The following XPOT variants were observed in gnomAD, a reference collection of about 807,000 sequenced individuals.
XPOT encodes exportin for tRNA, also known as exportin-T.
Under a neutral mutation model 128.2 loss-of-function variants are expected in XPOT, and 34 were observed. That is an observed-to-expected ratio of 0.27 (90% CI 0.20 to 0.35). XPOT has a LOEUF of 0.35. Ranked by LOEUF, XPOT falls within the 10% of genes least tolerant of loss-of-function variation. The probability of loss-of-function intolerance (pLI) is 1.00; values close to 1 mark genes in which losing one functional copy is unlikely to be tolerated. For synonymous variants in XPOT, 348 were observed against 394.3 expected (o/e 0.88, Z 1.39); for missense variants, 838 against 1,125.3 (o/e 0.74, Z 3.65).
At chr12:64,412,827 A>G (rs1424551058) in intron 2 of XPOT, among the ~76,000 whole-genome samples, 2 of 152,182 alleles carry the variant, frequency 1.3e-5, no homozygotes, top group African/African-American at 2.4e-5. Flanking sequence ...GGAGTAGCCT[A>G]CAGAACTTAG....
At chr12:64,439,150 T>C in intron 22 of XPOT, 94 bp from the exon 23 acceptor site, 1 of 1,196,118 alleles carries the variant, frequency 8.4e-7, no homozygotes, top group Non-Finnish European at 1.2e-6. Flanking sequence ...CACAATACTA[T>C]ATTGCCTTTA....
At chr12:64,417,812 C>T (rs568600521) in intron 4 of XPOT, among the ~76,000 whole-genome samples, 84 of 152,310 alleles carry the variant, frequency 5.5e-4, no homozygotes, top group African/African-American at 2.0e-3. Flanking sequence ...GTGTAGCCAT[C>T]ATTTGTTTCA....
At chr12:64,405,270 TC>T (rs1400723975) in intron 1 of XPOT, 2 of 152,344 alleles carry the variant, frequency 1.3e-5, no homozygotes, top group East Asian at 3.9e-4. Flanking sequence ...CTCCATTTCT[TC>T]TCAAACCTTC....
intron 23 of XPOT, among the ~76,000 whole-genome samples, chr12:64,441,222 C>G (rs2040322101): frequency 6.6e-6 from 1 of 152,124 alleles, no homozygotes; most frequent in South Asian, 2.1e-4. Flanking sequence ...TGTTGAAGAT[C>G]AGTTGACTGT....
chr12:64,431,143 C>A (rs2040235937), intron 17 of XPOT, among the ~76,000 whole-genome samples: 1 of 152,098 alleles, frequency 6.6e-6, no homozygotes, highest in Non-Finnish European at 1.5e-5. Context: ...CGGTTTTGAC[C>A]ATGTTGTCCA....
chr12:64,437,448 G>A (rs1436646332), intron 22 of XPOT, among the ~76,000 whole-genome samples: 1 of 152,174 alleles, frequency 6.6e-6, no homozygotes, highest in Non-Finnish European at 1.5e-5. Flanking sequence ...TAGGGAGCTG[G>A]CATTCTGGGC....
intron 9 of XPOT, among the ~76,000 whole-genome samples, chr12:64,422,476 T>G (rs1252944341): frequency 6.6e-6 from 1 of 152,206 alleles, no homozygotes; most frequent in Admixed American, 6.5e-5. Flanking sequence ...GTTATAGGTG[T>G]CTTTGTCTAC....
At chr12:64,446,698 T>C (rs2040369935) in intron 24 of XPOT, among the ~76,000 whole-genome samples, 1 of 152,120 alleles carries the variant, frequency 6.6e-6, no homozygotes, top group African/African-American at 2.4e-5. Flanking sequence ...TTACTGTTCT[T>C]GTAGTTCTTC....
chr12:64,418,315 G>T (rs933729957), intron 5 of XPOT, among the ~76,000 whole-genome samples, 200 bp downstream of exon 5: 1 of 152,114 alleles, frequency 6.6e-6, no homozygotes, highest in Admixed American at 6.5e-5. Context: ...GACTGAAATG[G>T]TCATAGTTTC....
chr12:64,408,754 ACC>A (rs1466508521), intron 1 of XPOT, among the ~76,000 whole-genome samples: 1 of 151,976 alleles, frequency 6.6e-6, no homozygotes, highest in Non-Finnish European at 1.5e-5. Flanking sequence ...GCTCACTACA[ACC>A]TCTGCCTCCT....
intron 11 of XPOT, among the ~76,000 whole-genome samples, chr12:64,424,221 C>T (rs1466512858): frequency 1.3e-5 from 2 of 152,150 alleles, no homozygotes; most frequent in African/African-American, 4.8e-5. Flanking sequence ...ATTCAAAGCC[C>T]ATTCTAGTGC....
In XPOT at chr12:64,420,509, C is replaced by A. The variant is rs2136019152; in HGVS notation, c.831C>A (p.Phe277Leu). The change falls in exon 8 of 25, where the codon TTC becomes TTA. Residue 277 changes from phenylalanine to leucine, a missense_variant. By Grantham distance (22) the Phe-to-Leu change is conservative. Coordinates refer to ENST00000332707, the MANE Select transcript of XPOT (RefSeq NM_007235.6). ...LCQVLQSAGF[F>L]SIDQEEDVDF... ...AAGTATTACAGTCTGCTGGGTTTTT[C>A]AGCATTGACCAGGTTGGTAAATTTA... is the stretch of plus-strand genomic sequence containing the variant. The A allele has an allele frequency of 6.2e-7, 1 of 1,608,566 alleles. No homozygotes were observed. The highest frequency in any genetic ancestry group is 2.2e-5 in the East Asian group (1 of 44,796).
intron 1 of XPOT, 42 bp from the exon 2 acceptor site, chr12:64,409,920 T>C: frequency 1.3e-6 from 1 of 778,364 alleles, no homozygotes; most frequent in Middle Eastern, 2.4e-4. Flanking sequence ...ATCTATTTGT[T>C]TATCAAGTAA....
intron 9 of XPOT, among the ~76,000 whole-genome samples, chr12:64,421,745 A>G (rs191178861): frequency 1.3e-5 from 2 of 152,128 alleles, no homozygotes; most frequent in East Asian, 3.9e-4. Flanking sequence ...TTGTGAATAC[A>G]GTTGAAATTT....
chr12:64,434,543 T>C lies in XPOT; in HGVS notation c.2489T>C (p.Ile830Thr), dbSNP rs2040267050. The C allele has an allele frequency of 6.2e-7, 1 of 1,613,768 alleles. No individual in the cohort carries two copies. Among genetic ancestry groups the C allele is most frequent in the South Asian group, 1.1e-5 (1 of 91,076 alleles). Residue 830 changes from isoleucine to threonine, a missense_variant, in exon 20 of 25, where the codon ATC becomes ACC. Around this residue, in one of 3 missense-constraint regions of XPOT, gnomAD observed 761 missense variants for 988.3 expected, o/e 0.77. Coordinates refer to ENST00000332707, the MANE Select transcript of XPOT (RefSeq NM_007235.6). Reference protein sequence around the residue: ...ENVERVLVTVIQGAVEYPDPI... With the variant: ...ENVERVLVTVTQGAVEYPDPI... ...GTAGAAAGAGTGTTGGTTACTGTTA[T>C]CCAAGGAGCAGTTGAATATCCAGAT...
rs755343117 is a variant in XPOT at position 64,449,986 on chromosome 12, C to T, written c.*1855C>T. The T allele has an allele frequency of 3.9e-5, 6 of 152,088 alleles. No individual in the cohort carries two copies. The highest frequency in any genetic ancestry group is 1.5e-5 in the Non-Finnish European group (1 of 68,008). The allele number at this position is 152,088 out of a possible 1,614,324, so 9.4% of individuals were successfully genotyped here. A position where few individuals can be genotyped will look rare whatever the true frequency, so the allele number is the denominator to read the frequency against. Reference sequence around the variant, plus strand: ...AGAATGTCTCCCAGCCTCAGTTTCCCTATTTGTAAAATGGAAATAATGGTA... The same window carrying T: ...AGAATGTCTCCCAGCCTCAGTTTCCTTATTTGTAAAATGGAAATAATGGTA... On this transcript the variant is annotated 3_prime_UTR_variant, in exon 25 of 25. Coordinates refer to ENST00000332707, the MANE Select transcript of XPOT (RefSeq NM_007235.6).
chr12:64,420,368 G>A lies in XPOT; in HGVS notation c.690G>A (p.Leu230=), dbSNP rs1254150034. 3.5e-5 allele frequency: 57 copies of A among 1,612,370 alleles called. No homozygotes were observed. Among genetic ancestry groups the A allele is most frequent in the Non-Finnish European group, 4.8e-5 (57 of 1,179,526 alleles). ...LIANDRFINM[L]LGHMSIEVLR... Reference sequence around the variant, plus strand: ...CCATTACCAGGTTTATAAATATGCTGCTAGGTCATATGTCAATAGAAGTTC... The same window carrying A: ...CCATTACCAGGTTTATAAATATGCTACTAGGTCATATGTCAATAGAAGTTC... Residue 230 remains leucine (L), a synonymous_variant, in exon 8 of 25, where the codon CTG becomes CTA. Transcript: ENST00000332707.
intron 15 of XPOT, among the ~76,000 whole-genome samples, 158 bp downstream of exon 15, chr12:64,426,067 C>T (rs997116530): frequency 4.6e-5 from 7 of 151,910 alleles, no homozygotes; most frequent in African/African-American, 1.7e-4. Context: ...CCTATAATCC[C>T]AACACTCTGG....
intron 2 of XPOT, among the ~76,000 whole-genome samples, chr12:64,412,367 C>T (rs1247774836): frequency 6.6e-6 from 1 of 152,080 alleles, no homozygotes; most frequent in Non-Finnish European, 1.5e-5. Flanking sequence ...TGGCTTAAAA[C>T]CTGTTATTAT....
Sources: allele counts gnomAD v4.1 joint callset (sites outside exome capture counted in the v4.1 genomes callset), GRCh38; gene constraint gnomAD v4.1.1; regional missense constraint gnomAD v4.1.1; transcripts MANE v1.5; gene names NCBI Gene and HGNC (gene_info 2026-07-23, HGNC 2026-07-21).